PIP4K2A: variants seen among roughly 807,000 people sequenced by gnomAD.
PIP4K2A encodes phosphatidylinositol 5-phosphate 4-kinase type-2 alpha.
Under a neutral mutation model 42.9 loss-of-function variants are expected in PIP4K2A, and 14 were observed. The ratio of observed to expected loss-of-function variants is 0.33; its 90% confidence interval spans 0.22 to 0.51. The LOEUF (loss-of-function observed/expected upper bound fraction) is 0.51. Ranked by LOEUF, PIP4K2A falls within the 20% of genes least tolerant of loss-of-function variation. The pLI is 0.97. For synonymous variants in PIP4K2A, 192 were observed against 192.2 expected, an observed-to-expected ratio of 1.00 and a Z score of 0.01; for missense variants, 434 against 519.8, an observed-to-expected ratio of 0.83 and a Z score of 1.61.
chr10:22,605,260 G>C (rs572303793), intron 3 of PIP4K2A, among the ~76,000 whole-genome samples: 5 of 152,008 alleles, frequency 3.3e-5, no homozygotes, highest in Admixed American at 2.6e-4. Context: ...CTAAGGAAAG[G>C]AGGAGTGTTC....
At chr10:22,685,524 T>C (rs1839746775) in intron 1 of PIP4K2A, among the ~76,000 whole-genome samples, 1 of 135,952 alleles carries the variant, frequency 7.4e-6, no homozygotes, top group African/African-American at 2.8e-5. Flanking sequence ...GTGACACCCA[T>C]TTTCTATAAA....
chr10:22,622,397 C>T (rs751017211), intron 1 of PIP4K2A, among the ~76,000 whole-genome samples: 19 of 152,252 alleles, frequency 1.2e-4, no homozygotes, highest in East Asian at 1.9e-4. Context: ...GCTTCGGGCA[C>T]GGGAAGACCC....
chr10:22,698,651 G>A (rs771962190), intron 1 of PIP4K2A, among the ~76,000 whole-genome samples: 11 of 152,146 alleles, frequency 7.2e-5, no homozygotes, highest in Non-Finnish European at 1.3e-4. Flanking sequence ...AATTACTTTT[G>A]CACCAACCTA....
intron 1 of PIP4K2A, among the ~76,000 whole-genome samples, chr10:22,655,365 G>A (rs1386522683): frequency 6.6e-6 from 1 of 152,206 alleles, no homozygotes. Flanking sequence ...CTCGGCAGGA[G>A]GTGGAGGTCT....
chr10:22,600,119 T>G (rs1837722754), intron 3 of PIP4K2A, among the ~76,000 whole-genome samples: 1 of 152,206 alleles, frequency 6.6e-6, no homozygotes, highest in Non-Finnish European at 1.5e-5. Context: ...AACAGTTACT[T>G]TTCCCTGCAT....
chr10:22,602,298 T>C (rs1213472814), intron 3 of PIP4K2A, among the ~76,000 whole-genome samples: 6 of 150,276 alleles, frequency 4.0e-5, no homozygotes, highest in Non-Finnish European at 8.9e-5. Flanking sequence ...GGGGCTGAAG[T>C]GGCAGGATCG....
intron 3 of PIP4K2A, among the ~76,000 whole-genome samples, chr10:22,596,762 A>G (rs913033102): frequency 1.3e-5 from 2 of 152,262 alleles, no homozygotes; most frequent in Admixed American, 1.3e-4. Context: ...CTCAATATAC[A>G]GATAAGAAAA....
intron 7 of PIP4K2A, among the ~76,000 whole-genome samples, chr10:22,547,713 A>C (rs1458932552): frequency 6.6e-6 from 1 of 152,182 alleles, no homozygotes; most frequent in Non-Finnish European, 1.5e-5. Flanking sequence ...GAGAGGAGAG[A>C]CCAGGGTTGA....
At chr10:22,684,257 T>C (rs946375075) in intron 1 of PIP4K2A, among the ~76,000 whole-genome samples, 15 of 152,204 alleles carry the variant, frequency 9.9e-5, no homozygotes, top group Non-Finnish European at 2.2e-4. Flanking sequence ...AAGACATTAC[T>C]GATTGGGTCG....
chr10:22,545,714 T>C (rs980423259), intron 7 of PIP4K2A, among the ~76,000 whole-genome samples: 2 of 152,342 alleles, frequency 1.3e-5, no homozygotes, highest in South Asian at 4.1e-4. Context: ...ATGTTTTCTT[T>C]TTGTTTAAGA....
rs528237035 is a variant in PIP4K2A, at chr10:22,620,177, C to A, written c.145-10460G>T. Among the ~76,000 whole-genome samples, 45 of 152,220 alleles carry A rather than the reference C, an allele frequency of 3.0e-4. 1 individual carries two copies. The highest frequency in any genetic ancestry group is 5.0e-4 in the Non-Finnish European group (34 of 68,038). On this transcript the variant is annotated intron_variant, in intron 1 of 9. Coordinates refer to ENST00000376573, the MANE Select transcript of PIP4K2A (RefSeq NM_005028.5). ...ATCTGCAAGCTCAATCAGACTCTTA[C>A]GGACATCCTTGCCGGCTGGCCCACT...
intron 1 of PIP4K2A, among the ~76,000 whole-genome samples, chr10:22,614,316 A>C (rs1041411254): frequency 6.6e-6 from 1 of 152,242 alleles, no homozygotes; most frequent in East Asian, 1.9e-4. Context: ...TTCGGAGATC[A>C]TATAGTCTAA....
intron 6 of PIP4K2A, among the ~76,000 whole-genome samples, chr10:22,553,789 CTTTTTTTTTTTTTT>C (rs3074629): frequency 3.4e-5 from 4 of 118,520 alleles, no homozygotes; most frequent in Admixed American, 9.0e-5. Context: ...GGTTGAAAAA[CTTTTTTTTTTTTTT>C]TTTTTTTTTT....
intron 7 of PIP4K2A, among the ~76,000 whole-genome samples, chr10:22,545,502 A>T (rs1159179155): frequency 6.6e-6 from 1 of 152,248 alleles, no homozygotes; most frequent in Non-Finnish European, 1.5e-5. Flanking sequence ...CACACCGGGC[A>T]GCCCAGAGTA....
chr10:22,544,690 G>C (rs2130748153), intron 7 of PIP4K2A, among the ~76,000 whole-genome samples: 1 of 152,212 alleles, frequency 6.6e-6, no homozygotes, highest in East Asian at 1.9e-4. Flanking sequence ...ATGTGAACCT[G>C]ATCCCATCCT....
intron 1 of PIP4K2A, among the ~76,000 whole-genome samples, chr10:22,664,080 T>TATATATATATACATATATATATATAC (rs1839270817): frequency 1.4e-5 from 1 of 73,884 alleles, no homozygotes; most frequent in East Asian, 2.4e-4. Flanking sequence ...TATATACGTA[T>TATATATATATACATATATATATATAC]ATATATATAC....
intron 3 of PIP4K2A, among the ~76,000 whole-genome samples, chr10:22,606,061 G>A (rs1837899598): frequency 6.6e-6 from 1 of 150,850 alleles, no homozygotes; most frequent in Non-Finnish European, 1.5e-5. Context: ...AAGGCCAGGT[G>A]CACTGGCTCA....
intron 9 of PIP4K2A, among the ~76,000 whole-genome samples, chr10:22,537,626 A>G (rs887063763): frequency 6.6e-6 from 1 of 152,198 alleles, no homozygotes; most frequent in Non-Finnish European, 1.5e-5. Context: ...CGGAAACAAT[A>G]CTTATGTTAT....
intron 1 of PIP4K2A, among the ~76,000 whole-genome samples, chr10:22,619,337 G>A (rs1778356): frequency 0.24 from 36,848 of 151,978 alleles, 7,292 homozygotes; most frequent in African/African-American, 0.55. Flanking sequence ...AGGAAAAAAC[G>A]GGCAGCTGAA....
Sources: gnomAD v4.1 joint callset for allele counts (sites outside exome capture counted in the v4.1 genomes callset) on GRCh38, gnomAD v4.1.1 for gene constraint, MANE v1.5 for transcripts, NCBI Gene and HGNC (gene_info 2026-07-23, HGNC 2026-07-21) for gene names.